SYT9: variants seen among roughly 807,000 people sequenced by gnomAD.
SYT9 encodes synaptotagmin 9.
Under a neutral mutation model 48.4 loss-of-function variants are expected in SYT9, and 22 were observed. The observed-to-expected ratio is 0.45, with a 90% CI of 0.32 to 0.65. SYT9 has a LOEUF of 0.65. Ranked by LOEUF, SYT9 falls within the 30% of genes least tolerant of loss-of-function variation. SYT9 has a pLI of 0.03. For synonymous variants in SYT9, 265 were observed against 245.0 expected, an observed-to-expected ratio of 1.08 and a Z score of -0.76; for missense variants, 577 against 622.0, an observed-to-expected ratio of 0.93 and a Z score of 0.77.
intron 3 of SYT9, among the ~76,000 whole-genome samples, chr11:7,342,455 C>A (rs1386559376): frequency 2.0e-5 from 3 of 152,182 alleles, no homozygotes; most frequent in Admixed American, 1.3e-4. Flanking sequence ...TGAAATCCAG[C>A]AGAGCAGTCA....
At chr11:7,315,562 A>G (rs1849228073) in intron 3 of SYT9, among the ~76,000 whole-genome samples, 4 of 152,326 alleles carry the variant, frequency 2.6e-5, no homozygotes, top group African/African-American at 9.6e-5. Flanking sequence ...ATTCCATAAA[A>G]TAGCTGGAGA....
chr11:7,420,170 G>A (rs16926220), intron 5 of SYT9, among the ~76,000 whole-genome samples: 12,891 of 152,154 alleles, frequency 0.085, 609 homozygotes, highest in East Asian at 0.13. Context: ...ATTATTGCAA[G>A]AAACTCATTT....
intron 6 of SYT9, among the ~76,000 whole-genome samples, chr11:7,453,074 G>A (rs1049683874): frequency 4.0e-5 from 6 of 150,972 alleles, no homozygotes; most frequent in South Asian, 2.2e-4. Context: ...GAGCCACCGC[G>A]CCCGGCCCTG....
intron 6 of SYT9, among the ~76,000 whole-genome samples, chr11:7,432,655 AG>A (rs2134122190): frequency 7.4e-6 from 1 of 134,726 alleles, no homozygotes; most frequent in Non-Finnish European, 1.6e-5. Flanking sequence ...ACTGCCCTGC[AG>A]GGTTTAAAAC....
intron 3 of SYT9, among the ~76,000 whole-genome samples, chr11:7,414,365 C>T (rs1450925425): frequency 6.6e-6 from 1 of 152,104 alleles, no homozygotes; most frequent in African/African-American, 2.4e-5. Flanking sequence ...GCAAAGTGGG[C>T]CAGGGAGTCA....
At chr11:7,393,294 GTTT>G (rs56387246) in intron 3 of SYT9, among the ~76,000 whole-genome samples, 10 of 141,526 alleles carry the variant, frequency 7.1e-5, no homozygotes, top group African/African-American at 2.1e-4. Context: ...GTTTGTTGAG[GTTT>G]TTTTTTTTTT....
intron 3 of SYT9, among the ~76,000 whole-genome samples, chr11:7,352,994 G>T (rs769149582): frequency 6.6e-6 from 1 of 152,016 alleles, no homozygotes; most frequent in Non-Finnish European, 1.5e-5. Flanking sequence ...TTCTATACAC[G>T]TATAAAACTT....
intron 3 of SYT9, among the ~76,000 whole-genome samples, chr11:7,410,166 A>G (rs932430948): frequency 3.9e-5 from 6 of 152,126 alleles, no homozygotes; most frequent in African/African-American, 1.4e-4. Context: ...AGTTCCTCCT[A>G]GTATTGATTT....
intron 3 of SYT9, among the ~76,000 whole-genome samples, chr11:7,372,037 A>C (rs143214143): frequency 1.6e-4 from 24 of 152,284 alleles, no homozygotes; most frequent in Non-Finnish European, 8.8e-5. Context: ...TAGGAGTAGA[A>C]TTCCTTGATC....
At chr11:7,376,053 A>C (rs1429704380) in intron 3 of SYT9, among the ~76,000 whole-genome samples, 1 of 152,068 alleles carries the variant, frequency 6.6e-6, no homozygotes, top group Admixed American at 6.6e-5. Context: ...TTTAATATAC[A>C]ATATAGTTTA....
At chr11:7,369,777 CCACA>C (rs141883559) in intron 3 of SYT9, among the ~76,000 whole-genome samples, 9 of 123,986 alleles carry the variant, frequency 7.3e-5, no homozygotes, top group Admixed American at 8.4e-5. Context: ...TACATACACA[CCACA>C]CACACACACA....
intron 1 of SYT9, among the ~76,000 whole-genome samples, chr11:7,257,915 G>T (rs1238667301): frequency 1.3e-5 from 2 of 152,152 alleles, no homozygotes; most frequent in Admixed American, 6.5e-5. Context: ...AAAGCAAATT[G>T]TAGTAAAGGC....
At chr11:7,316,966 G>C (rs1386742) in intron 3 of SYT9, among the ~76,000 whole-genome samples, 6,744 of 152,178 alleles carry the variant, frequency 0.044, 275 homozygotes, top group African/African-American at 0.11. Context: ...TCCTTTCCTT[G>C]TTGATTCACA....
At chr11:7,399,811 T>A (rs1846847447) in intron 3 of SYT9, among the ~76,000 whole-genome samples, 1 of 152,228 alleles carries the variant, frequency 6.6e-6, no homozygotes, top group Non-Finnish European at 1.5e-5. Flanking sequence ...ATCCTCACTG[T>A]TTTCAAGGAG....
intron 1 of SYT9, among the ~76,000 whole-genome samples, chr11:7,265,685 T>G (rs891937690): frequency 6.9e-6 from 1 of 145,126 alleles, no homozygotes; most frequent in Non-Finnish European, 1.5e-5. Flanking sequence ...TTTTTTTTTG[T>G]AGCCACAGTG....
At chr11:7,420,981 G>C (rs1033428258) in intron 6 of SYT9, among the ~76,000 whole-genome samples, 5 of 152,176 alleles carry the variant, frequency 3.3e-5, no homozygotes, top group Non-Finnish European at 7.3e-5. Context: ...ACAGTGACTT[G>C]AGACTGACTT....
intron 1 of SYT9, among the ~76,000 whole-genome samples, chr11:7,259,782 T>C (rs1401168816): frequency 6.6e-6 from 1 of 152,140 alleles, no homozygotes; most frequent in Non-Finnish European, 1.5e-5. Flanking sequence ...AATGTAAATA[T>C]TCTGTCAAAT....
chr11:7,255,912 C>T (rs7126337), intron 1 of SYT9, among the ~76,000 whole-genome samples: 79,834 of 151,944 alleles, frequency 0.53, 21,148 homozygotes, highest in Admixed American at 0.56. Context: ...CTGGAGACTT[C>T]GCTGTCAAGA....
chr11:7,337,612 T>C (rs993307573), intron 3 of SYT9, among the ~76,000 whole-genome samples: 6 of 152,196 alleles, frequency 3.9e-5, no homozygotes, highest in Non-Finnish European at 7.3e-5. Context: ...TCTGCATCTA[T>C]TGAGATAATC....
Sources: allele counts gnomAD v4.1 joint callset (sites outside exome capture counted in the v4.1 genomes callset), GRCh38; gene constraint gnomAD v4.1.1; transcripts MANE v1.5; gene names NCBI Gene and HGNC (gene_info 2026-07-23, HGNC 2026-07-21).